HMMR: variants seen among roughly 807,000 people sequenced by gnomAD.
HMMR encodes intracellular hyaluronic acid-binding protein.
In HMMR, 108 loss-of-function variants were observed where a neutral mutation model predicts 101.0. The ratio of observed to expected loss-of-function variants is 1.07; its 90% CI spans 0.92 to 1.25. HMMR has a LOEUF of 1.25. Ranked by LOEUF, HMMR falls within the 50% of genes most tolerant of loss-of-function variation. The pLI, the probability that HMMR is intolerant of heterozygous loss-of-function variation, is 0.00. For missense variants in HMMR, 813 were observed against 788.7 expected, an observed-to-expected ratio of 1.03 and a Z score of -0.37; for synonymous variants, 296 against 276.4, an observed-to-expected ratio of 1.07 and a Z score of -0.70.
At position 163,491,926 on chromosome 5, in the gene HMMR, T is replaced by C. The variant is rs1451251598; in HGVS notation, c.*762T>C. Reference sequence around the variant, plus strand: ...TGTAATATGAAATAAAATTACACAGTAAGTCATTTAACCAATTAATTTTTC... The same window carrying C: ...TGTAATATGAAATAAAATTACACAGCAAGTCATTTAACCAATTAATTTTTC... On this transcript the variant is annotated 3_prime_UTR_variant, in exon 18 of 18. Transcript: ENST00000393915. 6.6e-6 allele frequency: 1 copy of C among 152,228 alleles called. No individual in the cohort carries two copies. Among genetic ancestry groups the C allele is most frequent in the East Asian group, 1.9e-4 (1 of 5,194 alleles). 9.4% of individuals were successfully genotyped at this position (152,228 alleles called of 1,614,324 possible).
At position 163,482,943 on chromosome 5, in the gene HMMR, G is replaced by T. The variant is rs75873094; in HGVS notation, c.1533-77G>T. 6.5e-3 allele frequency: 9,103 copies of T among 1,392,886 alleles called. 470 individuals are homozygous for T. In the African/African-American group the frequency reaches 0.12, roughly 19 times the overall value. 86.3% of individuals were successfully genotyped at this position (1,392,886 alleles called of 1,614,324 possible). On this transcript the variant is annotated intron_variant, in intron 13 of 17. Transcript: ENST00000393915. The stretch of plus-strand genomic sequence containing the variant: ...GACACTTCTTGAAGAGTTCCTTGAG[G>T]TTTAAAGAAAAAAAAAGGAAAAATT...
intron 12 of HMMR, among the ~76,000 whole-genome samples, chr5:163,482,196 C>G (rs1398455946): frequency 6.6e-6 from 1 of 152,166 alleles, no homozygotes; most frequent in East Asian, 1.9e-4. Flanking sequence ...GGATTACAGG[C>G]ATGAGCCACC....
Position 163,471,469 on chromosome 5 carries a change from T to A in HMMR, c.650+6T>A. On this transcript the variant is annotated splice_donor_region_variant and intron_variant, in intron 7 of 17. Transcript: ENST00000393915. Reference sequence around the variant, plus strand: ...GCCCAACTGGAGGGAAAACTGTAAGTGAGTGAATGTGAAGAGAAATTGTTA... The same window carrying A: ...GCCCAACTGGAGGGAAAACTGTAAGAGAGTGAATGTGAAGAGAAATTGTTA... 6.4e-7 allele frequency: 1 copy of A among 1,564,384 alleles called. No individual in the cohort carries two copies.
intron 16 of HMMR, among the ~76,000 whole-genome samples, chr5:163,489,731 C>G (rs574451743): frequency 6.6e-6 from 1 of 152,172 alleles, no homozygotes; most frequent in East Asian, 1.9e-4. Flanking sequence ...GATCCCCCAC[C>G]TCACAATTGC....
At chr5:163,461,453 C>T (rs1367650826) in intron 1 of HMMR, among the ~76,000 whole-genome samples, 1 of 152,164 alleles carries the variant, frequency 6.6e-6, no homozygotes, top group Non-Finnish European at 1.5e-5. Flanking sequence ...ATGCACAGCA[C>T]AGTAACCAGG....
Position 163,484,426 on chromosome 5 carries a change from A to G in HMMR, c.1962+181A>G, listed in dbSNP as rs80081454. 8.2e-3 allele frequency among the ~76,000 whole-genome samples: 1,245 copies of G among 152,262 alleles called. 22 individuals carry two copies. The East Asian group carries it at 0.091, about 11-fold the overall frequency. ...TGACCAGATGGGCATTCAATGTTCT[A>G]AAGTTTTCTAGCTACCTTCTTAATA... On this transcript the variant is annotated intron_variant, in intron 16 of 17. Transcript: ENST00000393915.
intron 7 of HMMR, 115 bp from the exon 8 acceptor site, chr5:163,473,064 A>G: frequency 1.7e-6 from 1 of 588,500 alleles, no homozygotes; most frequent in East Asian, 3.0e-5. Context: ...AATAGTTAAG[A>G]GTTAGGGCTC....
rs781660866 is a variant in HMMR, at chr5:163,478,741, G to A, written c.1326G>A (p.Leu442=). Residue 442 remains leucine, a synonymous_variant, in exon 12 of 18, where the codon TTG becomes TTA. Transcript: ENST00000393915. ...CTCATACCCAGGCCACCCTGCTTTT[G>A]CAGGAAAAGTATGACAGTATGGTGC... is the stretch of plus-strand genomic sequence containing the variant. ...SAAHTQATLL[L]QEKYDSMVQS... is the part of the protein sequence containing the mutation. 13 of 1,613,558 alleles carry A rather than the reference G, an allele frequency of 8.1e-6. No individual in the cohort carries two copies. The South Asian group carries it at 1.4e-4, about 18-fold the overall frequency.
rs1250794618 is a variant in HMMR at position 163,460,732 on chromosome 5, C to T, written c.40C>T (p.Pro14Ser). 1 of 1,607,608 alleles carries T rather than the reference C, an allele frequency of 6.2e-7. No individual in the cohort carries two copies. Among genetic ancestry groups the T allele is most frequent in the Admixed American group, 1.7e-5 (1 of 59,234 alleles). The change falls in exon 1 of 18, where the codon CCT (proline) becomes TCT (serine). Residue 14 changes from proline (P) to serine (S), a missense_variant. Physicochemically the swap from Pro to Ser is moderately conservative, Grantham distance 74. Coordinates refer to ENST00000393915, the MANE Select transcript of HMMR (RefSeq NM_001142556.2). ...PKAPLKRFND[P>S]SGCAPSPGAY... ...GGCGCCCTTGAAACGATTCAATGACCCTTCTGGTGCGTAAGGGGGAAAGAG... is the reference window on the plus strand; with the variant it reads ...GGCGCCCTTGAAACGATTCAATGACTCTTCTGGTGCGTAAGGGGGAAAGAG...
Position 163,473,320 on chromosome 5 carries a change from C to G in HMMR, c.726-59C>G. ...ATACTCAGTCATTTTCATCATTTTT[C>G]TGTTATTTTCCCTGTGCCTAAATAG... On this transcript the variant is annotated intron_variant, in intron 8 of 17. Transcript: ENST00000393915. 3.3e-6 allele frequency: 5 copies of G among 1,510,050 alleles called. No individual in the cohort carries two copies. In the South Asian group the frequency reaches 5.8e-5, roughly 18 times the overall value. 93.5% of individuals were successfully genotyped at this position (1,510,050 alleles called of 1,614,324 possible).
chr5:163,460,692 C>T lies in HMMR; in HGVS notation c.-1C>T. The T allele has an allele frequency of 6.2e-7, 1 of 1,605,758 alleles. No homozygotes were observed. The highest frequency in any genetic ancestry group is 1.1e-5 in the South Asian group (1 of 89,370). On this transcript the variant is annotated 5_prime_UTR_variant, in exon 1 of 18. Coordinates refer to ENST00000393915, the MANE Select transcript of HMMR (RefSeq NM_001142556.2). ...TTCAGTTTCTGGAGCTGGCCGTCAACATGTCCTTTCCTAAGGCGCCCTTGA... is the reference window on the plus strand; with the variant it reads ...TTCAGTTTCTGGAGCTGGCCGTCAATATGTCCTTTCCTAAGGCGCCCTTGA...
chr5:163,479,628 G>T (rs753720111), intron 12 of HMMR, among the ~76,000 whole-genome samples: 3 of 152,078 alleles, frequency 2.0e-5, no homozygotes, highest in Non-Finnish European at 4.4e-5. Flanking sequence ...ACACCACTGC[G>T]CTCCAGCCTG....
At chr5:163,478,947 G>A in intron 12 of HMMR, 147 bp downstream of exon 12, 1 of 558,234 alleles carries the variant, frequency 1.8e-6, no homozygotes, top group East Asian at 3.0e-5. Flanking sequence ...TGGGCATTTA[G>A]CATTATCTGG....
At chr5:163,463,569 CTTAG>C (rs1351923385) in intron 1 of HMMR, among the ~76,000 whole-genome samples, 2 of 152,084 alleles carry the variant, frequency 1.3e-5, no homozygotes, top group African/African-American at 4.8e-5. Flanking sequence ...ATATTCAATC[CTTAG>C]TAAGAAAGCC....
intron 12 of HMMR, among the ~76,000 whole-genome samples, chr5:163,481,292 T>C (rs926573801): frequency 2.6e-5 from 4 of 151,146 alleles, no homozygotes; most frequent in African/African-American, 7.3e-5. Context: ...ATAAATCATA[T>C]AAATATATGT....
At chr5:163,489,760 T>G (rs299318) in intron 16 of HMMR, among the ~76,000 whole-genome samples, 2 of 152,070 alleles carry the variant, frequency 1.3e-5, no homozygotes, top group Non-Finnish European at 2.9e-5. Context: ...AGGATATAAC[T>G]GCAGCCACAG....
At position 163,464,809 on chromosome 5, in the gene HMMR, A is replaced by G. The variant is rs1358902675; in HGVS notation, c.225+7A>G. 6.3e-7 allele frequency: 1 copy of G among 1,575,726 alleles called. No individual in the cohort carries two copies. Among genetic ancestry groups the G allele is most frequent in the Non-Finnish European group, 8.7e-7 (1 of 1,145,848 alleles). ...TAAGTCTTCGGAATCAAAGGTGAGG[A>G]GCTTTTATATGCCAGCTGGTTTATC... On this transcript the variant is annotated splice_region_variant and intron_variant, in intron 3 of 17. Transcript: ENST00000393915.
At chr5:163,460,792 T>C in intron 1 of HMMR, 54 bp downstream of exon 1, 2 of 1,513,264 alleles carry the variant, frequency 1.3e-6, no homozygotes, top group Non-Finnish European at 1.8e-6. Context: ...GCCCTTTGCC[T>C]CTTTCAGCTC....
intron 16 of HMMR, among the ~76,000 whole-genome samples, chr5:163,488,493 G>A (rs1483803103): frequency 6.6e-6 from 1 of 152,096 alleles, no homozygotes; most frequent in Non-Finnish European, 1.5e-5. Flanking sequence ...CCTTTTGGGG[G>A]CTTTTTATTT....
Sources: allele counts gnomAD v4.1 joint callset (sites outside exome capture counted in the v4.1 genomes callset), GRCh38; gene constraint gnomAD v4.1.1; transcripts MANE v1.5; gene names NCBI Gene and HGNC (gene_info 2026-07-23, HGNC 2026-07-21).